Variants in MGAT4C observed in about 807,000 individuals in gnomAD.
The protein encoded by MGAT4C is MGAT4 family member C.
In MGAT4C, 19 loss-of-function variants were observed where a neutral mutation model predicts 40.1. The ratio of observed to expected loss-of-function variants is 0.47; its 90% CI spans 0.33 to 0.70. The LOEUF (loss-of-function observed/expected upper bound fraction) is 0.70, where lower values mean the gene tolerates loss of function less well. MGAT4C is among the 30% of genes least tolerant of loss of function. The pLI is 0.02. For synonymous variants in MGAT4C, 181 were observed against 187.1 expected (o/e 0.97, Z 0.27); for missense variants, 491 against 563.2 (o/e 0.87, Z 1.30).
chr12:86,358,830 GT>G (rs1225322884), intron 3 of MGAT4C, among the ~76,000 whole-genome samples: 1 of 152,178 alleles, frequency 6.6e-6, no homozygotes, highest in African/African-American at 2.4e-5. Context: ...CATAAAGCAA[GT>G]CCTTAGAGAC....
chr12:85,976,250 T>C lies in MGAT4C; in HGVS notation c.*3039A>G, dbSNP rs1184232301. ...AAACGACAGGTTGGTTTCCAAATTA[T>C]ATTTTCATACCTGGAAAATATCTAC... On this transcript the variant is annotated 3_prime_UTR_variant, in exon 5 of 5. Transcript: ENST00000611864. The C allele has an allele frequency of 4.6e-5, 7 of 151,142 alleles. No homozygotes were observed. Among genetic ancestry groups the C allele is most frequent in the South Asian group, 2.1e-4 (1 of 4,834 alleles). The allele number at this position is 151,142 out of a possible 1,614,324, so 9.4% of individuals were successfully genotyped here. A position where few individuals can be genotyped will look rare whatever the true frequency, so the allele number is the denominator to read the frequency against.
chr12:86,797,131 C>T (rs1952137474), intron 1 of MGAT4C, among the ~76,000 whole-genome samples: 1 of 151,772 alleles, frequency 6.6e-6, no homozygotes, highest in East Asian at 1.9e-4. Flanking sequence ...GAAACTGCTG[C>T]TTTCCTTTCT....
intron 2 of MGAT4C, among the ~76,000 whole-genome samples, chr12:86,518,227 T>C (rs1188037680): frequency 1.3e-5 from 2 of 152,176 alleles, no homozygotes; most frequent in Non-Finnish European, 2.9e-5. Flanking sequence ...TAGAGTTGAC[T>C]TCATAAAACT....
At chr12:85,980,556 T>C in intron 4 of MGAT4C, 126 bp from the exon 5 acceptor site, 2 of 769,476 alleles carry the variant, frequency 2.6e-6, no homozygotes. Context: ...TAAATGACTA[T>C]GCACAGAACA....
intron 2 of MGAT4C, among the ~76,000 whole-genome samples, chr12:86,566,624 ATATG>A (rs1332285503): frequency 7.0e-6 from 1 of 142,558 alleles, no homozygotes; most frequent in Non-Finnish European, 1.5e-5. Context: ...ATATATGTAT[ATATG>A]TATTATATAT....
At chr12:86,478,945 C>A (rs912936028) in intron 2 of MGAT4C, among the ~76,000 whole-genome samples, 2 of 151,884 alleles carry the variant, frequency 1.3e-5, no homozygotes, top group Non-Finnish European at 2.9e-5. Flanking sequence ...AATTATTTAA[C>A]CTAGTCCTAA....
rs1370965880 is a variant in MGAT4C at position 86,641,161 on chromosome 12, C to A, written c.-229+86048G>T. 2.0e-5 allele frequency among the ~76,000 whole-genome samples: 3 copies of A among 151,848 alleles called. No homozygotes were observed. In the East Asian group the frequency reaches 5.9e-4, roughly 30 times the overall value. On this transcript the variant is annotated intron_variant, in intron 2 of 7. Coordinates refer to the MGAT4C transcript ENST00000548651. Reference sequence around the variant, plus strand: ...TAGACTGGATTAAGAAAATGTGGCACTTATACACCATGGAATACTATGCAG... The same window carrying A: ...TAGACTGGATTAAGAAAATGTGGCAATTATACACCATGGAATACTATGCAG...
chr12:86,297,130 G>T (rs192406503), intron 4 of MGAT4C, among the ~76,000 whole-genome samples: 1 of 152,110 alleles, frequency 6.6e-6, no homozygotes, highest in Non-Finnish European at 1.5e-5. Flanking sequence ...GAAGGAAATA[G>T]AAAAGATAAA....
intron 1 of MGAT4C, among the ~76,000 whole-genome samples, chr12:86,170,115 G>T (rs1566083928): frequency 6.6e-6 from 1 of 152,202 alleles, no homozygotes. Context: ...GAAAGCAGAA[G>T]AGACAGTATG....
intron 3 of MGAT4C, among the ~76,000 whole-genome samples, chr12:86,432,575 G>A (rs1957060762): frequency 6.6e-6 from 1 of 152,024 alleles, no homozygotes; most frequent in Non-Finnish European, 1.5e-5. Context: ...GGAAAGAAGT[G>A]CAGTGTGAGG....
At chr12:86,665,429 T>G (rs1352856958) in intron 2 of MGAT4C, among the ~76,000 whole-genome samples, 1 of 151,884 alleles carries the variant, frequency 6.6e-6, no homozygotes, top group Non-Finnish European at 1.5e-5. Context: ...TCGGCTGGAG[T>G]GCAGTGGCGT....
At chr12:86,076,781 C>A (rs1869812779) in intron 1 of MGAT4C, among the ~76,000 whole-genome samples, 1 of 152,096 alleles carries the variant, frequency 6.6e-6, no homozygotes, top group South Asian at 2.1e-4. Context: ...GTCACAACCA[C>A]AACACGTGGG....
chr12:86,164,257 T>A (rs185298773), intron 1 of MGAT4C, among the ~76,000 whole-genome samples: 1 of 152,336 alleles, frequency 6.6e-6, no homozygotes, highest in Admixed American at 6.5e-5. Context: ...ATCTATGGGC[T>A]CTGTGTTTCC....
intron 2 of MGAT4C, among the ~76,000 whole-genome samples, chr12:86,699,170 G>A (rs1950312335): frequency 6.6e-6 from 1 of 151,872 alleles, no homozygotes; most frequent in Non-Finnish European, 1.5e-5. Context: ...ACATCCAAGG[G>A]ACTTATTTAA....
At chr12:86,713,500 T>C (rs1387037234) in intron 2 of MGAT4C, among the ~76,000 whole-genome samples, 2 of 152,108 alleles carry the variant, frequency 1.3e-5, no homozygotes, top group Admixed American at 6.6e-5. Context: ...TGTGGAATTA[T>C]AAGGGCTTCT....
intron 2 of MGAT4C, among the ~76,000 whole-genome samples, chr12:86,605,574 A>G (rs1311479129): frequency 6.6e-6 from 1 of 152,132 alleles, no homozygotes; most frequent in Non-Finnish European, 1.5e-5. Context: ...CAACCTCATT[A>G]TCTAAGTCAT....
At chr12:86,650,068 A>C (rs2136533724) in intron 2 of MGAT4C, among the ~76,000 whole-genome samples, 1 of 152,050 alleles carries the variant, frequency 6.6e-6, no homozygotes, top group South Asian at 2.1e-4. Context: ...TTGGAGTTAT[A>C]AACTTTAATA....
At chr12:86,513,479 G>A (rs1025766202) in intron 2 of MGAT4C, among the ~76,000 whole-genome samples, 3 of 152,268 alleles carry the variant, frequency 2.0e-5, no homozygotes, top group African/African-American at 7.2e-5. Flanking sequence ...TTAGCCTGCT[G>A]TAGTTTTATG....
chr12:86,446,040 T>C lies in MGAT4C; in HGVS notation c.-228-10775A>G, dbSNP rs113657291. ...ATTTGCAATTTCTGAATATGTGTTATGCTTCAGTAAAACTTTATATGTATG... is the reference window on the plus strand; with the variant it reads ...ATTTGCAATTTCTGAATATGTGTTACGCTTCAGTAAAACTTTATATGTATG... On this transcript the variant is annotated intron_variant, in intron 2 of 7. Transcript: ENST00000548651. Among the ~76,000 whole-genome samples, 1,017 of 152,268 alleles carry C rather than the reference T, an allele frequency of 6.7e-3. 10 individuals carry two copies. Among genetic ancestry groups the C allele is most frequent in the African/African-American group, 0.023 (970 of 41,574 alleles).
Sources: gnomAD v4.1 joint callset for allele counts (sites outside exome capture counted in the v4.1 genomes callset) on GRCh38, gnomAD v4.1.1 for gene constraint, MANE v1.5 for transcripts, NCBI Gene and HGNC (gene_info 2026-07-23, HGNC 2026-07-21) for gene names.